Variants in ZNF577 observed in about 807,000 individuals in gnomAD.
ZNF577 encodes zinc finger protein 577.
ZNF577 carries 14 observed loss-of-function variants against 13.9 expected under a neutral mutation model. The ratio of observed to expected loss-of-function variants is 1.00; its 90% CI spans 0.66 to 1.57. The LOEUF (loss-of-function observed/expected upper bound fraction) is 1.57. ZNF577 is among the 40% of genes most tolerant of loss of function. The pLI, the probability that ZNF577 is intolerant of heterozygous loss-of-function variation, is 0.00. For synonymous variants in ZNF577, 203 were observed against 202.9 expected, an observed-to-expected ratio of 1.00 and a Z score of 0.00; for missense variants, 555 against 579.2, an observed-to-expected ratio of 0.96 and a Z score of 0.43.
chr19:51,815,866 AAAAAAGAAAAAAG>A (rs2084132188), intron 9 of ZNF577, among the ~76,000 whole-genome samples: 2 of 147,734 alleles, frequency 1.4e-5, no homozygotes, highest in Admixed American at 6.8e-5. Flanking sequence ...TGTCTCAAAA[AAAAAAGAAAAAAG>A]AAAAAAGAAA....
Position 51,870,553 on chromosome 19 carries a change from G to C in ZNF577, c.*1979C>G, listed in dbSNP as rs11882058. 0.015 allele frequency among the ~76,000 whole-genome samples: 2,219 copies of C among 152,244 alleles called. 57 individuals carry two copies. Among genetic ancestry groups the C allele is most frequent in the African/African-American group, 0.051 (2,112 of 41,538 alleles). ...TCCACTCCAGCTGGTGGAAATGCTTGTGTGTAATCCAAGGATTTTTCTGCG... is the reference window on the plus strand; with the variant it reads ...TCCACTCCAGCTGGTGGAAATGCTTCTGTGTAATCCAAGGATTTTTCTGCG... On this transcript the variant is annotated 3_prime_UTR_variant, in exon 6 of 6. Coordinates refer to ENST00000638348, the MANE Select transcript of ZNF577 (RefSeq NM_001370449.1).
At chr19:51,846,388 T>A (rs995673176) in intron 5 of ZNF577, among the ~76,000 whole-genome samples, 2 of 152,158 alleles carry the variant, frequency 1.3e-5, no homozygotes, top group African/African-American at 4.8e-5. Flanking sequence ...AGGGTGGGCC[T>A]TCAATATGGA....
At position 51,877,356 on chromosome 19, in the gene ZNF577, T is replaced by C; in HGVS notation, c.209A>G (p.Asp70Gly). 6.2e-7 allele frequency: 1 copy of C among 1,614,150 alleles called. No homozygotes were observed. The highest frequency in any genetic ancestry group is 8.5e-7 in the Non-Finnish European group (1 of 1,180,000). ...TCCTTGCTCCAACTTGAAGAGCGAATCTGGCTTGGTGCCTCGATACCCTGT... is the reference window on the plus strand; with the variant it reads ...TCCTTGCTCCAACTTGAAGAGCGAACCTGGCTTGGTGCCTCGATACCCTGT... Reference protein sequence around the residue: ...VSIGYRGTKPDSLFKLEQGEP... With the variant: ...VSIGYRGTKPGSLFKLEQGEP... The change falls in exon 5 of 6, where the codon GAT (aspartate) becomes GGT (glycine). Residue 70 changes from aspartate to glycine, a missense_variant. Asp to Gly is a moderately conservative substitution (Grantham distance 94, BLOSUM62 -1). Coordinates refer to ENST00000638348, the MANE Select transcript of ZNF577 (RefSeq NM_001370449.1).
At chr19:51,807,566 A>G (rs1486842408) in intron 10 of ZNF577, among the ~76,000 whole-genome samples, 3 of 152,206 alleles carry the variant, frequency 2.0e-5, no homozygotes. Context: ...GAAACCCCAG[A>G]GATCCTTATT....
chr19:51,883,037 A>C (rs2084887395), intron 1 of ZNF577, among the ~76,000 whole-genome samples: 1 of 145,042 alleles, frequency 6.9e-6, no homozygotes, highest in African/African-American at 2.6e-5. Context: ...ATCTGTCGCC[A>C]GGCTAGAGTG....
At chr19:51,813,364 C>T (rs1465040780) in intron 9 of ZNF577, among the ~76,000 whole-genome samples, 1 of 152,082 alleles carries the variant, frequency 6.6e-6, no homozygotes, top group Non-Finnish European at 1.5e-5. Context: ...TAATTGAAAA[C>T]CTCCACCTTT....
At chr19:51,834,843 C>G (rs1442142606) in intron 9 of ZNF577, among the ~76,000 whole-genome samples, 4 of 152,168 alleles carry the variant, frequency 2.6e-5, no homozygotes, top group Non-Finnish European at 5.9e-5. Flanking sequence ...ACCACCACAT[C>G]TGGCTAATTT....
In ZNF577 at chr19:51,870,609, TA is replaced by T. The variant is rs542387477; in HGVS notation, c.*1922del. On this transcript the variant is annotated 3_prime_UTR_variant, in exon 6 of 6. Coordinates refer to ENST00000638348, the MANE Select transcript of ZNF577 (RefSeq NM_001370449.1). Reference sequence around the variant, plus strand: ...ATTTCTTCCTGTTCTTCCTCCAGCCTAGGGGGGGTTTCTCACATACATATGC... The same window carrying T: ...ATTTCTTCCTGTTCTTCCTCCAGCCTGGGGGGGTTTCTCACATACATATGC... 6.4e-3 allele frequency among the ~76,000 whole-genome samples: 945 copies of T among 147,496 alleles called. 9 individuals are homozygous for T. Among genetic ancestry groups the T allele is most frequent in the African/African-American group, 0.024 (896 of 37,918 alleles).
At chr19:51,830,191 G>A (rs928623156) in intron 9 of ZNF577, among the ~76,000 whole-genome samples, 7 of 149,972 alleles carry the variant, frequency 4.7e-5, no homozygotes, top group Admixed American at 1.3e-4. Flanking sequence ...TAAATTAGTA[G>A]AAATTGAGTG....
At chr19:51,882,177 C>T (rs1188629167) in intron 1 of ZNF577, among the ~76,000 whole-genome samples, 1 of 152,118 alleles carries the variant, frequency 6.6e-6, no homozygotes, top group South Asian at 2.1e-4. Context: ...AAGGCCATTA[C>T]GCATGAATGG....
At chr19:51,830,774 G>A (rs1187088210) in intron 9 of ZNF577, among the ~76,000 whole-genome samples, 3 of 152,032 alleles carry the variant, frequency 2.0e-5, no homozygotes, top group African/African-American at 4.8e-5. Flanking sequence ...TGGTGTACCC[G>A]AGGGCTCAAT....
intron 9 of ZNF577, among the ~76,000 whole-genome samples, chr19:51,816,696 T>C (rs1289013375): frequency 6.6e-6 from 1 of 152,200 alleles, no homozygotes; most frequent in African/African-American, 2.4e-5. Context: ...GGTGGCCACA[T>C]GGGACTTGCA....
chr19:51,833,623 G>T (rs1186434495), intron 9 of ZNF577, among the ~76,000 whole-genome samples: 1 of 152,140 alleles, frequency 6.6e-6, no homozygotes, highest in East Asian at 1.9e-4. Flanking sequence ...ATAAATTTTA[G>T]ACTTGGCACT....
In ZNF577 at chr19:51,872,501, A is replaced by C. The variant is rs1304315471; in HGVS notation, c.*31T>G. 5 of 1,492,120 alleles carry C rather than the reference A, an allele frequency of 3.4e-6. No individual in the cohort carries two copies. In the Admixed American group the frequency reaches 1.1e-4, roughly 34 times the overall value. The allele number at this position is 1,492,120 out of a possible 1,614,324, so 92.4% of individuals were successfully genotyped here. On this transcript the variant is annotated 3_prime_UTR_variant, in exon 6 of 6. Coordinates refer to ENST00000638348, the MANE Select transcript of ZNF577 (RefSeq NM_001370449.1). ...ATAATGGCTGGAGGATTCCTACTAA[A>C]GATTTTCCCACCTTTCTGGTATCAG...
intron 9 of ZNF577, among the ~76,000 whole-genome samples, chr19:51,835,047 A>C (rs2084281292): frequency 6.6e-6 from 1 of 152,208 alleles, no homozygotes; most frequent in South Asian, 2.1e-4. Context: ...ATCAAATTAA[A>C]TCTAAAGAAA....
At position 51,824,808 on chromosome 19, in the gene ZNF577, T is replaced by C; in HGVS notation, c.*600-13134A>G. On this transcript the variant is annotated intron_variant and NMD_transcript_variant, in intron 9 of 10. Transcript: ENST00000638827. This position sits in a 1 kb window ranked among gnomAD's most constrained non-coding sequence, Gnocchi z 4.7. ...TGAGGAGACGGAGTTACAAGCAATG[T>C]GAGGTCGGGGATATTTTTGGGCTCT... is the stretch of plus-strand genomic sequence containing the variant. 1.2e-6 allele frequency: 2 copies of C among 1,603,888 alleles called. No homozygotes were observed. The highest frequency in any genetic ancestry group is 1.7e-6 in the Non-Finnish European group (2 of 1,174,262).
At chr19:51,851,934 ACG>A (rs1456107880) in intron 5 of ZNF577, among the ~76,000 whole-genome samples, 1 of 152,186 alleles carries the variant, frequency 6.6e-6, no homozygotes, top group Non-Finnish European at 1.5e-5. Context: ...GAATACCCTC[ACG>A]CATCACCTGC....
At chr19:51,875,160 C>T (rs753336142) in intron 5 of ZNF577, among the ~76,000 whole-genome samples, 5 of 151,892 alleles carry the variant, frequency 3.3e-5, no homozygotes, top group Non-Finnish European at 7.4e-5. Flanking sequence ...AGTTCAAGAC[C>T]AGTCTGGCCA....
In ZNF577 at chr19:51,872,990, C is replaced by G. The variant is rs1337043297; in HGVS notation, c.1000G>C (p.Ala334Pro). 11 of 1,614,060 alleles carry G rather than the reference C, an allele frequency of 6.8e-6. No homozygotes were observed. The highest frequency in any genetic ancestry group is 9.3e-6 in the Non-Finnish European group (11 of 1,180,054). ...KPYECSECEK[A>P]FRSKSKLIQH... ...ATGAGCTTCGACTTGCTTCTAAAGG[C>G]TTTTTCACACTCACTACATTCATAA... The change falls in exon 6 of 6, where the codon GCC (alanine) becomes CCC (proline). Residue 334 changes from alanine to proline, a missense_variant. By Grantham distance (27) the Ala-to-Pro change is conservative. Transcript: ENST00000638348.
Sources: gnomAD v4.1 joint callset for allele counts (sites outside exome capture counted in the v4.1 genomes callset) on GRCh38, gnomAD v4.1.1 for gene constraint, Gnocchi (gnomAD v3.1) non-coding constraint, MANE v1.5 for transcripts, NCBI Gene and HGNC (gene_info 2026-07-23, HGNC 2026-07-21) for gene names.